PRKG1: variants seen among roughly 807,000 people sequenced by gnomAD.
The protein encoded by PRKG1 is cGMP-dependent protein kinase 1.
Under a neutral mutation model 88.1 loss-of-function variants are expected in PRKG1, and 35 were observed. That is an observed-to-expected ratio of 0.40 (90% CI 0.30 to 0.53). The LOEUF (loss-of-function observed/expected upper bound fraction) is 0.53. Ranked by LOEUF, PRKG1 falls within the 20% of genes least tolerant of loss-of-function variation. The probability of loss-of-function intolerance (pLI) is 0.59; values close to 1 mark genes in which losing one functional copy is unlikely to be tolerated. For missense variants in PRKG1, 540 were observed against 839.8 expected (o/e 0.64, Z 4.41); for synonymous variants, 303 against 292.5 (o/e 1.04, Z -0.37).
intron 5 of PRKG1, among the ~76,000 whole-genome samples, chr10:51,983,817 A>G (rs1174413157): frequency 6.6e-6 from 1 of 152,238 alleles, no homozygotes; most frequent in Non-Finnish European, 1.5e-5. Flanking sequence ...CGCCTTTGCC[A>G]GTTCAACTCA....
chr10:52,017,888 C>T (rs144238843), intron 5 of PRKG1, among the ~76,000 whole-genome samples: 1,664 of 152,244 alleles, frequency 0.011, 19 homozygotes, highest in Non-Finnish European at 0.013. Context: ...TTATAAAGAT[C>T]TTATTCATAT....
chr10:51,779,832 C>G (rs1379066719), intron 3 of PRKG1, among the ~76,000 whole-genome samples: 1 of 152,078 alleles, frequency 6.6e-6, no homozygotes, highest in Non-Finnish European at 1.5e-5. Flanking sequence ...TGTGGTTTGC[C>G]TACCATAGTC....
At chr10:51,450,976 G>A (rs1353195625) in intron 2 of PRKG1, among the ~76,000 whole-genome samples, 3 of 151,862 alleles carry the variant, frequency 2.0e-5, no homozygotes, top group African/African-American at 7.2e-5. Flanking sequence ...CAGCTAACTA[G>A]GGGTTATTAA....
At chr10:51,008,277 G>A (rs1398008169) in intron 1 of PRKG1, among the ~76,000 whole-genome samples, 2 of 152,170 alleles carry the variant, frequency 1.3e-5, no homozygotes, top group Non-Finnish European at 1.5e-5. Context: ...ATAACTCCTT[G>A]AGAAGTAGCT....
intron 3 of PRKG1, among the ~76,000 whole-genome samples, chr10:51,772,260 T>A (rs963696277): frequency 1.3e-5 from 2 of 152,172 alleles, no homozygotes; most frequent in South Asian, 2.1e-4. Context: ...ATGTAGTAAC[T>A]CCATTTGGAT....
chr10:51,926,746 C>A lies in PRKG1; in HGVS notation c.762+19176C>A, dbSNP rs147126557. Among the ~76,000 whole-genome samples, 591 of 125,416 alleles carry A rather than the reference C, an allele frequency of 4.7e-3. 5 individuals are homozygous for A. Among genetic ancestry groups the A allele is most frequent in the African/African-American group, 0.018 (556 of 30,162 alleles). The allele number at this position is 125,416 out of a possible 152,430, so 82.3% of individuals were successfully genotyped here. On this transcript the variant is annotated intron_variant, in intron 5 of 17. Transcript: ENST00000373980. ...TTTTCTCTGAAAATTTCTTGCCTAG[C>A]ATAGTTTTTTTTTTTTTTTTAACTG...
chr10:52,272,558 T>C (rs1192576045), intron 12 of PRKG1, 77 bp downstream of exon 12: 1 of 946,452 alleles, frequency 1.1e-6, no homozygotes, highest in Non-Finnish European at 1.6e-6. Flanking sequence ...GTTAATATGA[T>C]AAAGTATAAT....
intron 3 of PRKG1, among the ~76,000 whole-genome samples, chr10:51,729,263 G>T (rs1842212595): frequency 6.6e-6 from 1 of 152,160 alleles, no homozygotes; most frequent in African/African-American, 2.4e-5. Context: ...CATGTTCAAA[G>T]CTTGGCTAGA....
At chr10:51,535,078 G>A (rs747152192) in intron 3 of PRKG1, among the ~76,000 whole-genome samples, 1 of 152,168 alleles carries the variant, frequency 6.6e-6, no homozygotes, top group African/African-American at 2.4e-5. Context: ...TACTTTGGAA[G>A]TATGCCTTTG....
chr10:51,625,723 T>TA (rs397846099), intron 3 of PRKG1, among the ~76,000 whole-genome samples: 9,280 of 144,784 alleles, frequency 0.064, 452 homozygotes, highest in African/African-American at 0.14. Context: ...TGTTAAGATT[T>TA]AAAAAAAAAA....
At chr10:51,618,404 G>A (rs1839119217) in intron 3 of PRKG1, among the ~76,000 whole-genome samples, 1 of 152,182 alleles carries the variant, frequency 6.6e-6, no homozygotes, top group African/African-American at 2.4e-5. Flanking sequence ...CACAGGGAGG[G>A]AGAGGCATCC....
intron 4 of PRKG1, among the ~76,000 whole-genome samples, chr10:51,878,740 C>T (rs1435752106): frequency 6.6e-6 from 1 of 152,172 alleles, no homozygotes; most frequent in Non-Finnish European, 1.5e-5. Context: ...ATTTTCCTTT[C>T]TTCCCATACT....
intron 1 of PRKG1, among the ~76,000 whole-genome samples, chr10:51,000,363 C>T (rs902194922): frequency 6.6e-6 from 1 of 152,186 alleles, no homozygotes; most frequent in Non-Finnish European, 1.5e-5. Context: ...TGTCTTTTCA[C>T]AAGAGTATGT....
chr10:51,776,892 A>G (rs1254656229), intron 3 of PRKG1, among the ~76,000 whole-genome samples: 1 of 152,192 alleles, frequency 6.6e-6, no homozygotes, highest in Admixed American at 6.5e-5. Flanking sequence ...AGGCAAGAGC[A>G]AACATGGTCT....
At chr10:51,005,541 T>A (rs2132719114) in intron 1 of PRKG1, among the ~76,000 whole-genome samples, 1 of 152,344 alleles carries the variant, frequency 6.6e-6, no homozygotes, top group South Asian at 2.1e-4. Flanking sequence ...GGTTTAGGTA[T>A]TATTACCATA....
intron 10 of PRKG1, 39 bp downstream of exon 10, chr10:52,251,705 C>T: frequency 6.7e-6 from 10 of 1,503,282 alleles, no homozygotes; most frequent in Non-Finnish European, 9.2e-6. Flanking sequence ...ATCGCCTCTG[C>T]TTCCTTTTTA....
chr10:51,733,411 A>G (rs576717433), intron 3 of PRKG1, among the ~76,000 whole-genome samples: 5 of 152,314 alleles, frequency 3.3e-5, no homozygotes, highest in Middle Eastern at 3.4e-3. Flanking sequence ...TATTAATACT[A>G]TTAGTTGCAC....
intron 2 of PRKG1, among the ~76,000 whole-genome samples, chr10:51,313,275 C>T (rs745979938): frequency 1.3e-5 from 2 of 152,086 alleles, no homozygotes; most frequent in East Asian, 1.9e-4. Context: ...GAGAGGTGAG[C>T]GTACTGGATT....
At chr10:51,591,733 G>T (rs1838318054) in intron 3 of PRKG1, among the ~76,000 whole-genome samples, 1 of 152,058 alleles carries the variant, frequency 6.6e-6, no homozygotes, top group African/African-American at 2.4e-5. Flanking sequence ...TAGATGCACA[G>T]TTCCACCTAG....
Sources: allele counts gnomAD v4.1 joint callset (sites outside exome capture counted in the v4.1 genomes callset), GRCh38; gene constraint gnomAD v4.1.1; transcripts MANE v1.5; gene names NCBI Gene and HGNC (gene_info 2026-07-23, HGNC 2026-07-21).